The following KCNIP4 variants were observed in gnomAD, a reference collection of about 807,000 sequenced individuals.
KCNIP4 encodes the protein Kv channel-interacting protein 4.
A neutral mutation model predicts 34.0 loss-of-function variants in KCNIP4; 12 were observed. That is an observed-to-expected ratio of 0.35 (90% CI 0.23 to 0.57). KCNIP4 has a LOEUF of 0.57. Ranked by LOEUF, KCNIP4 falls within the 20% of genes least tolerant of loss-of-function variation. KCNIP4 has a pLI of 0.83. For missense variants in KCNIP4, 238 were observed against 311.7 expected (o/e 0.76, Z 1.78); for synonymous variants, 124 against 102.2 (o/e 1.21, Z -1.29).
At chr4:21,582,524 C>A (rs562174728) in intron 1 of KCNIP4, 1 of 151,962 alleles carries the variant, frequency 6.6e-6, no homozygotes, top group East Asian at 1.9e-4. Flanking sequence ...ATTGCCCTTC[C>A]TATTCTATCT....
intron 1 of KCNIP4, among the ~76,000 whole-genome samples, chr4:21,757,203 GAAA>G (rs1560691485): frequency 7.7e-3 from 138 of 17,978 alleles, no homozygotes; most frequent in South Asian, 0.014. Context: ...AGGAAGGAAA[GAAA>G]GAAAGAAAGA....
chr4:21,475,076 T>G (rs9685466), intron 1 of KCNIP4, among the ~76,000 whole-genome samples: 1 of 151,662 alleles, frequency 6.6e-6, no homozygotes, highest in African/African-American at 2.4e-5. Flanking sequence ...AATGCTTTGT[T>G]CTATGTTGCC....
At chr4:20,869,239 A>G (rs1012917689) in intron 2 of KCNIP4, among the ~76,000 whole-genome samples, 1 of 152,030 alleles carries the variant, frequency 6.6e-6, no homozygotes, top group African/African-American at 2.4e-5. Context: ...ATCTATGTTT[A>G]AAAAAGCTAT....
intron 1 of KCNIP4, among the ~76,000 whole-genome samples, chr4:21,675,307 G>A (rs1348069492): frequency 1.3e-5 from 2 of 152,142 alleles, no homozygotes; most frequent in Admixed American, 1.3e-4. Flanking sequence ...GAAGGGAGAA[G>A]TTGTGGGGGA....
At chr4:21,836,330 T>G (rs1166260272) in intron 1 of KCNIP4, among the ~76,000 whole-genome samples, 1 of 152,114 alleles carries the variant, frequency 6.6e-6, no homozygotes, top group African/African-American at 2.4e-5. Flanking sequence ...ATCAACAGCT[T>G]TTGCCTGAAA....
At chr4:21,126,015 A>C (rs1207873264) in intron 1 of KCNIP4, among the ~76,000 whole-genome samples, 3 of 152,108 alleles carry the variant, frequency 2.0e-5, no homozygotes, top group Non-Finnish European at 4.4e-5. Flanking sequence ...GATGTAAAGT[A>C]TTAGCAGTGA....
rs543783625 is a variant in KCNIP4 at position 21,540,798 on chromosome 4, CAG to C, written c.61+407771_61+407772del. Among the ~76,000 whole-genome samples the C allele has an allele frequency of 3.3e-5, 5 of 152,182 alleles. No homozygotes were observed. In the South Asian group the frequency reaches 1.0e-3, roughly 32 times the overall value. On this transcript the variant is annotated intron_variant, in intron 1 of 8. Coordinates refer to ENST00000382152, the MANE Select transcript of KCNIP4 (RefSeq NM_025221.6). ...GTTTGGAGGCCCTGCTGTAGGTGTT[CAG>C]AGGTTTTTTCAGTCCTTCTTTTGAG...
chr4:20,853,143 A>G (rs1357447167), intron 2 of KCNIP4, among the ~76,000 whole-genome samples: 2 of 152,208 alleles, frequency 1.3e-5, no homozygotes, highest in Non-Finnish European at 2.9e-5. Flanking sequence ...TCTAAAATTC[A>G]TGTGGAACCA....
intron 1 of KCNIP4, among the ~76,000 whole-genome samples, chr4:21,520,388 G>T (rs1735423454): frequency 6.6e-6 from 1 of 152,084 alleles, no homozygotes; most frequent in Non-Finnish European, 1.5e-5. Flanking sequence ...AAGCCACCAG[G>T]TCTACTGTAT....
At chr4:21,391,352 A>T (rs1176997165) in intron 1 of KCNIP4, among the ~76,000 whole-genome samples, 1 of 152,152 alleles carries the variant, frequency 6.6e-6, no homozygotes, top group Non-Finnish European at 1.5e-5. Flanking sequence ...AAGCTAACAG[A>T]GGCAGATACA....
At chr4:21,089,541 ATAAC>A (rs1746787761) in intron 1 of KCNIP4, among the ~76,000 whole-genome samples, 6 of 152,244 alleles carry the variant, frequency 3.9e-5, no homozygotes. Context: ...TATTTTAAGT[ATAAC>A]TAAGAAAGAA....
intron 1 of KCNIP4, among the ~76,000 whole-genome samples, chr4:21,101,911 T>C (rs1425906347): frequency 6.6e-6 from 1 of 151,074 alleles, no homozygotes; most frequent in Non-Finnish European, 1.5e-5. Context: ...CATTAGCTCC[T>C]TTTTTTGAGA....
intron 1 of KCNIP4, among the ~76,000 whole-genome samples, chr4:21,767,181 A>G (rs73800722): frequency 0.15 from 22,451 of 152,024 alleles, 5,577 homozygotes; most frequent in African/African-American, 0.51. Flanking sequence ...AGGCCATTAT[A>G]ACTGGAGCCC....
chr4:21,908,749 T>C (rs1364552453), intron 1 of KCNIP4, among the ~76,000 whole-genome samples: 3 of 152,194 alleles, frequency 2.0e-5, no homozygotes, highest in African/African-American at 7.2e-5. Context: ...TCATTTTATT[T>C]CTACAGTGTC....
At chr4:21,339,265 G>A (rs959610229) in intron 1 of KCNIP4, among the ~76,000 whole-genome samples, 5 of 152,194 alleles carry the variant, frequency 3.3e-5, no homozygotes, top group African/African-American at 9.7e-5. Context: ...CTGAGTAACT[G>A]TAATAAGAAT....
chr4:21,245,728 C>T (rs1006696941), intron 1 of KCNIP4, among the ~76,000 whole-genome samples: 3 of 152,036 alleles, frequency 2.0e-5, no homozygotes, highest in Admixed American at 1.3e-4. Context: ...CTGGGGGAAG[C>T]ACGTGGCAGA....
intron 1 of KCNIP4, among the ~76,000 whole-genome samples, chr4:21,274,701 C>T (rs1374802052): frequency 1.3e-5 from 2 of 152,068 alleles, no homozygotes; most frequent in African/African-American, 2.4e-5. Flanking sequence ...AAATTTCCAA[C>T]ATCTGCAGAA....
At chr4:21,086,921 C>T (rs1746487502) in intron 1 of KCNIP4, among the ~76,000 whole-genome samples, 1 of 150,182 alleles carries the variant, frequency 6.7e-6, no homozygotes, top group Non-Finnish European at 1.5e-5. Flanking sequence ...TTCCCTCTTT[C>T]CCTTTCCTTC....
At chr4:20,753,123 A>G (rs770184088) in intron 4 of KCNIP4, among the ~76,000 whole-genome samples, 4 of 152,220 alleles carry the variant, frequency 2.6e-5, no homozygotes, top group Non-Finnish European at 4.4e-5. Flanking sequence ...CAAAATTTAC[A>G]GATTCTTAGG....
Sources: gnomAD v4.1 joint callset for allele counts (sites outside exome capture counted in the v4.1 genomes callset) on GRCh38, gnomAD v4.1.1 for gene constraint, MANE v1.5 for transcripts, NCBI Gene and HGNC (gene_info 2026-07-23, HGNC 2026-07-21) for gene names.